The following NEGR1 variants were observed in gnomAD, a reference collection of about 807,000 sequenced individuals.
NEGR1 encodes the protein neuronal growth regulator 1, also known as IgLON family member 4.
A neutral mutation model predicts 40.9 loss-of-function variants in NEGR1; 10 were observed. The ratio of observed to expected loss-of-function variants is 0.24; its 90% CI spans 0.15 to 0.42. NEGR1 has a LOEUF of 0.42. NEGR1 is among the 10% of genes least tolerant of loss of function. The probability of loss-of-function intolerance (pLI) is 1.00; values close to 1 mark genes in which losing one functional copy is unlikely to be tolerated. For missense variants in NEGR1, 352 were observed against 438.9 expected (o/e 0.80, Z 1.77); for synonymous variants, 185 against 166.8 (o/e 1.11, Z -0.84).
chr1:72,246,391 T>C (rs1654904360), intron 1 of NEGR1, among the ~76,000 whole-genome samples: 1 of 152,206 alleles, frequency 6.6e-6, no homozygotes, highest in Admixed American at 6.5e-5. Context: ...CTAACAATAA[T>C]GTAGCAAATT....
At chr1:71,808,909 A>G (rs1657880140) in intron 2 of NEGR1, among the ~76,000 whole-genome samples, 1 of 152,160 alleles carries the variant, frequency 6.6e-6, no homozygotes, top group Admixed American at 6.6e-5. Flanking sequence ...CTCTATCTGT[A>G]ACTTGTTTTC....
intron 1 of NEGR1, among the ~76,000 whole-genome samples, chr1:72,050,175 T>C (rs1157388663): frequency 6.6e-6 from 1 of 151,642 alleles, no homozygotes; most frequent in African/African-American, 2.4e-5. Context: ...ACATATAGTA[T>C]ATAAAGTTAA....
chr1:72,223,249 G>A (rs939241876), intron 1 of NEGR1, among the ~76,000 whole-genome samples: 2 of 152,016 alleles, frequency 1.3e-5, no homozygotes, highest in Non-Finnish European at 2.9e-5. Context: ...GAGCATTTTT[G>A]CATTAACTCA....
chr1:71,483,033 A>G (rs1313289687), intron 6 of NEGR1, among the ~76,000 whole-genome samples: 1 of 151,792 alleles, frequency 6.6e-6, no homozygotes, highest in Non-Finnish European at 1.5e-5. Context: ...GCGGATAGTC[A>G]GGATAGGGCA....
intron 1 of NEGR1, among the ~76,000 whole-genome samples, chr1:72,104,582 T>G (rs1315529131): frequency 6.6e-6 from 1 of 152,130 alleles, no homozygotes; most frequent in East Asian, 1.9e-4. Context: ...TTTAAGATAA[T>G]AACTAGTTTT....
chr1:71,692,518 T>C (rs559621101), intron 4 of NEGR1, among the ~76,000 whole-genome samples: 42 of 151,710 alleles, frequency 2.8e-4, no homozygotes, highest in African/African-American at 9.9e-4. Flanking sequence ...TGATGGCCAT[T>C]TGTGATCTGC....
chr1:71,683,782 T>TTG (rs2101613225), intron 4 of NEGR1, among the ~76,000 whole-genome samples: 1 of 151,764 alleles, frequency 6.6e-6, no homozygotes, highest in Non-Finnish European at 1.5e-5. Context: ...GATTTTTTTT[T>TTG]TTTTTTAATT....
intron 4 of NEGR1, among the ~76,000 whole-genome samples, chr1:71,658,848 T>G (rs1470317738): frequency 2.0e-5 from 3 of 152,282 alleles, no homozygotes; most frequent in East Asian, 3.9e-4. Flanking sequence ...AAAACATTAT[T>G]GTAGGTCACA....
chr1:71,618,370 A>T (rs1650509289), intron 4 of NEGR1, among the ~76,000 whole-genome samples: 1 of 152,124 alleles, frequency 6.6e-6, no homozygotes, highest in Non-Finnish European at 1.5e-5. Flanking sequence ...GACAACCTCA[A>T]ATCTCCATAA....
chr1:72,236,213 A>G (rs982103565), intron 1 of NEGR1, among the ~76,000 whole-genome samples: 8 of 152,066 alleles, frequency 5.3e-5, no homozygotes, highest in Non-Finnish European at 1.2e-4. Context: ...ATTCTCACTC[A>G]TTAGTGGGAT....
chr1:72,212,977 C>T (rs749689040), intron 1 of NEGR1, among the ~76,000 whole-genome samples: 4 of 151,658 alleles, frequency 2.6e-5, no homozygotes, highest in Admixed American at 6.6e-5. Context: ...AAGCCATTTG[C>T]GGTAGGTACT....
Position 71,774,546 on chromosome 1 carries a change from G to A in NEGR1, c.535+1626C>T, listed in dbSNP as rs558566717. 2.6e-5 allele frequency among the ~76,000 whole-genome samples: 4 copies of A among 152,222 alleles called. No homozygotes were observed. The South Asian group carries it at 8.3e-4, about 32-fold the overall frequency. On this transcript the variant is annotated intron_variant, in intron 3 of 6. Transcript: ENST00000357731. ...TGCATAAATGAGTAAACTGAAAGTC[G>A]CTGAAGGGTAATATTAAAGAAAACA...
intron 1 of NEGR1, among the ~76,000 whole-genome samples, chr1:72,251,994 A>G (rs1655114333): frequency 6.6e-6 from 1 of 152,238 alleles, no homozygotes; most frequent in South Asian, 2.1e-4. Context: ...GGTTACAAGT[A>G]ATTGACTATA....
At position 71,594,800 on chromosome 1, in the gene NEGR1, C is replaced by A. The variant is rs575988779; in HGVS notation, c.789-1832G>T. Among the ~76,000 whole-genome samples the A allele has an allele frequency of 2.6e-4, 40 of 152,262 alleles. No individual in the cohort carries two copies. In the South Asian group the frequency reaches 8.3e-3, roughly 32 times the overall value. ...GCTGTGTAAAAAACCAGTTTCATTG[C>A]CTTGCAAGTTTCAGCACTATAACTT... On this transcript the variant is annotated intron_variant, in intron 5 of 6. Coordinates refer to ENST00000357731, the MANE Select transcript of NEGR1 (RefSeq NM_173808.3).
At chr1:71,587,104 A>G (rs1265522542) in intron 6 of NEGR1, among the ~76,000 whole-genome samples, 1 of 152,134 alleles carries the variant, frequency 6.6e-6, no homozygotes, top group African/African-American at 2.4e-5. Flanking sequence ...ATTTCTATCT[A>G]AAATGGGAGT....
chr1:71,623,762 A>G (rs1174652944), intron 4 of NEGR1, among the ~76,000 whole-genome samples: 1 of 151,902 alleles, frequency 6.6e-6, no homozygotes, highest in East Asian at 1.9e-4. Flanking sequence ...ATTTTCAGAA[A>G]GAGTAGTATG....
chr1:72,193,559 G>C (rs982796392), intron 1 of NEGR1, among the ~76,000 whole-genome samples: 2 of 151,428 alleles, frequency 1.3e-5, no homozygotes, highest in Admixed American at 1.3e-4. Flanking sequence ...GGATGACTTG[G>C]AACAAAGAAT....
At chr1:71,993,231 G>C (rs1305005137) in intron 1 of NEGR1, among the ~76,000 whole-genome samples, 1 of 152,178 alleles carries the variant, frequency 6.6e-6, no homozygotes, top group East Asian at 1.9e-4. Flanking sequence ...TTTCAGAATA[G>C]TATATATTCC....
intron 4 of NEGR1, among the ~76,000 whole-genome samples, chr1:71,653,673 A>G (rs1034029605): frequency 6.6e-6 from 1 of 152,198 alleles, no homozygotes; most frequent in Non-Finnish European, 1.5e-5. Context: ...TTTGTATGCC[A>G]TGCATGTTAC....
Sources: allele counts gnomAD v4.1 joint callset (sites outside exome capture counted in the v4.1 genomes callset), GRCh38; gene constraint gnomAD v4.1.1; transcripts MANE v1.5; gene names NCBI Gene and HGNC (gene_info 2026-07-23, HGNC 2026-07-21).